The following LRRTM4 variants were observed in gnomAD, a reference collection of about 807,000 sequenced individuals.
LRRTM4 encodes the protein leucine rich repeat transmembrane neuronal 4, also known as leucine-rich repeat transmembrane neuronal protein 4.
LRRTM4 carries 25 observed loss-of-function variants against 47.6 expected under a neutral mutation model. The ratio of observed to expected loss-of-function variants is 0.53; its 90% CI spans 0.38 to 0.73. The LOEUF (loss-of-function observed/expected upper bound fraction) is 0.73. Ranked by LOEUF, LRRTM4 falls within the 30% of genes least tolerant of loss-of-function variation. The probability of loss-of-function intolerance (pLI) is 0.00; values close to 1 mark genes in which losing one functional copy is unlikely to be tolerated. For missense variants in LRRTM4, 638 were observed against 713.4 expected, an observed-to-expected ratio of 0.89 and a Z score of 1.20; for synonymous variants, 311 against 269.5, an observed-to-expected ratio of 1.15 and a Z score of -1.51.
chr2:77,445,175 C>T (rs1676003559), intron 3 of LRRTM4, among the ~76,000 whole-genome samples: 1 of 151,996 alleles, frequency 6.6e-6, no homozygotes. Flanking sequence ...GTCTTGGTTG[C>T]TTGCCATCCC....
intron 3 of LRRTM4, among the ~76,000 whole-genome samples, chr2:76,869,331 A>G (rs1236572206): frequency 6.6e-6 from 1 of 152,076 alleles, no homozygotes; most frequent in Non-Finnish European, 1.5e-5. Flanking sequence ...AATGTAAGGT[A>G]AGGCAGAAAA....
intron 3 of LRRTM4, among the ~76,000 whole-genome samples, chr2:77,166,497 A>G (rs1452834015): frequency 6.6e-6 from 1 of 152,234 alleles, no homozygotes; most frequent in African/African-American, 2.4e-5. Flanking sequence ...CGCATTGCCA[A>G]GACAATACTA....
chr2:77,108,652 G>T (rs373524765), intron 3 of LRRTM4, among the ~76,000 whole-genome samples: 33 of 147,614 alleles, frequency 2.2e-4, no homozygotes, highest in African/African-American at 5.5e-4. Context: ...GGCGGGATCT[G>T]GGCTCACTGC....
In LRRTM4 at chr2:77,266,479, C is replaced by T. The variant is rs576029142; in HGVS notation, c.1551+251839G>A. On this transcript the variant is annotated intron_variant, in intron 3 of 3. Coordinates refer to ENST00000409884, the MANE Select transcript of LRRTM4 (RefSeq NM_001134745.3). The stretch of plus-strand genomic sequence containing the variant: ...ATGATTAGAAAATAAAGAAGAAGAA[C>T]AAAGAGCAGATATCAGAAGCAAAAT... Among the ~76,000 whole-genome samples, 63 of 151,826 alleles carry T rather than the reference C, an allele frequency of 4.1e-4. No homozygotes were observed. In the South Asian group the frequency reaches 6.2e-3, roughly 15 times the overall value.
At chr2:77,123,491 C>T (rs190876438) in intron 3 of LRRTM4, among the ~76,000 whole-genome samples, 121 of 152,056 alleles carry the variant, frequency 8.0e-4, no homozygotes, top group Middle Eastern at 3.4e-3. Flanking sequence ...TGGGACTATG[C>T]CTTTGCAAAT....
At chr2:76,785,374 G>GTACTT (rs1674620299) in intron 3 of LRRTM4, among the ~76,000 whole-genome samples, 1 of 152,086 alleles carries the variant, frequency 6.6e-6, no homozygotes, top group African/African-American at 2.4e-5. Flanking sequence ...TTATAACAGT[G>GTACTT]TACTTTATAA....
In LRRTM4 at chr2:77,519,991, T is replaced by C. The variant is rs1188263876; in HGVS notation, c.5-127A>G. The C allele has an allele frequency of 7.2e-7, 1 of 1,387,566 alleles. No homozygotes were observed. Among genetic ancestry groups the C allele is most frequent in the Non-Finnish European group, 9.5e-7 (1 of 1,055,704 alleles). The allele number at this position is 1,387,566 out of a possible 1,614,324, so 86.0% of individuals were successfully genotyped here. On this transcript the variant is annotated intron_variant, in intron 2 of 3. Transcript: ENST00000409884. The surrounding 1 kb of genome is among the most constrained non-coding windows in gnomAD (Gnocchi z 4.6). ...GACAGTTGATTTAAGGAAAATGCAT[T>C]AACATTTCGAGCATTATTTTCTTCA...
chr2:77,421,551 C>T (rs1188873107), intron 3 of LRRTM4, among the ~76,000 whole-genome samples: 1 of 151,872 alleles, frequency 6.6e-6, no homozygotes, highest in Non-Finnish European at 1.5e-5. Flanking sequence ...ACTAAAAATA[C>T]AAAAAATTAG....
rs116613490 is a variant in LRRTM4 at position 76,782,171 on chromosome 2, T to A, written c.1552-33255A>T. Among the ~76,000 whole-genome samples, 1,018 of 152,328 alleles carry A rather than the reference T, an allele frequency of 6.7e-3. 15 individuals carry two copies. Among genetic ancestry groups the A allele is most frequent in the African/African-American group, 0.023 (960 of 41,572 alleles). ...ACTTTAAATAAAAGATAAAATGGTA[T>A]TTTGCAACACATGTAAGATTTACGG... On this transcript the variant is annotated intron_variant, in intron 3 of 3. Coordinates refer to ENST00000409884, the MANE Select transcript of LRRTM4 (RefSeq NM_001134745.3).
At chr2:76,791,199 A>T (rs1244726085) in intron 3 of LRRTM4, among the ~76,000 whole-genome samples, 1 of 152,130 alleles carries the variant, frequency 6.6e-6, no homozygotes, top group Non-Finnish European at 1.5e-5. Flanking sequence ...GCTGGAAGTG[A>T]TCCAGGCATG....
Position 77,086,650 on chromosome 2 carries a change from G to C in LRRTM4, c.1552-337734C>G, listed in dbSNP as rs370318515. The stretch of plus-strand genomic sequence containing the variant: ...CCAGCACCATGCCTGACTTTCGTTT[G>C]TTTGTTTATTTGTTTGTTATTTTTA... On this transcript the variant is annotated intron_variant, in intron 3 of 3. Coordinates refer to ENST00000409884, the MANE Select transcript of LRRTM4 (RefSeq NM_001134745.3). 1.7e-4 allele frequency among the ~76,000 whole-genome samples: 26 copies of C among 150,956 alleles called. No individual in the cohort carries two copies. The South Asian group carries it at 4.6e-3, about 27-fold the overall frequency.
At chr2:77,495,195 T>C (rs566627909) in intron 3 of LRRTM4, among the ~76,000 whole-genome samples, 16 of 143,118 alleles carry the variant, frequency 1.1e-4, no homozygotes, top group African/African-American at 3.8e-4. Flanking sequence ...GTTAGGTTCA[T>C]GTTTAACTTT....
chr2:76,922,390 G>T (rs1674459916), intron 3 of LRRTM4, among the ~76,000 whole-genome samples: 1 of 151,954 alleles, frequency 6.6e-6, no homozygotes, highest in East Asian at 1.9e-4. Context: ...GCACAAAGTG[G>T]GAAGTGCCAC....
intron 3 of LRRTM4, among the ~76,000 whole-genome samples, chr2:76,802,374 C>G (rs564611295): frequency 3.3e-5 from 5 of 151,828 alleles, no homozygotes; most frequent in Non-Finnish European, 4.4e-5. Flanking sequence ...ATTCCATTTA[C>G]AATATCTACA....
intron 3 of LRRTM4, among the ~76,000 whole-genome samples, chr2:76,749,252 T>C (rs1339377964): frequency 3.3e-5 from 5 of 152,312 alleles, no homozygotes; most frequent in Middle Eastern, 3.4e-3. Flanking sequence ...CATTTGAATG[T>C]AGATCTTAAC....
intron 3 of LRRTM4, among the ~76,000 whole-genome samples, chr2:77,258,282 A>G (rs1333703249): frequency 1.3e-5 from 2 of 152,068 alleles, no homozygotes. Context: ...AAATAGCTTG[A>G]CAGTTTTCCA....
chr2:77,198,190 C>T (rs575382785), intron 3 of LRRTM4, among the ~76,000 whole-genome samples: 335 of 152,276 alleles, frequency 2.2e-3, no homozygotes, highest in African/African-American at 7.7e-3. Flanking sequence ...TCTTTATAGC[C>T]TCCTATTCAC....
At chr2:77,086,840 C>G (rs1253809910) in intron 3 of LRRTM4, among the ~76,000 whole-genome samples, 1 of 151,878 alleles carries the variant, frequency 6.6e-6, no homozygotes, top group African/African-American at 2.4e-5. Flanking sequence ...CCTGTTAACC[C>G]CAAACACAGT....
intron 3 of LRRTM4, among the ~76,000 whole-genome samples, chr2:76,775,308 C>T (rs554537431): frequency 1.8e-4 from 27 of 152,214 alleles, no homozygotes; most frequent in South Asian, 1.2e-3. Context: ...GCAATCCTTT[C>T]TATATAGTAC....
Sources: allele counts gnomAD v4.1 joint callset (sites outside exome capture counted in the v4.1 genomes callset), GRCh38; gene constraint gnomAD v4.1.1; non-coding constraint Gnocchi (gnomAD v3.1); transcripts MANE v1.5; gene names NCBI Gene and HGNC (gene_info 2026-07-23, HGNC 2026-07-21).